The following RABL3 variants were observed in gnomAD, a reference collection of about 807,000 sequenced individuals.
The protein encoded by RABL3 is RAB, member of RAS oncogene family like 3, also known as rab-like protein 3.
Under a neutral mutation model 31.8 loss-of-function variants are expected in RABL3, and 31 were observed. The ratio of observed to expected loss-of-function variants is 0.97; its 90% CI spans 0.73 to 1.31. The LOEUF is 1.31. RABL3 is among the 40% of genes most tolerant of loss of function. The pLI, the probability that RABL3 is intolerant of heterozygous loss-of-function variation, is 0.00. For synonymous variants in RABL3, 97 were observed against 99.9 expected (o/e 0.97, Z 0.18); for missense variants, 263 against 279.6 (o/e 0.94, Z 0.42).
intron 1 of RABL3, among the ~76,000 whole-genome samples, chr3:120,741,032 T>C (rs757490830): frequency 3.3e-5 from 5 of 152,222 alleles, no homozygotes; most frequent in African/African-American, 4.8e-5. Flanking sequence ...TTGCAACAGT[T>C]TGTAATATGA....
At chr3:120,690,045 A>G (rs1293616177) in intron 7 of RABL3, among the ~76,000 whole-genome samples, 157 bp from the exon 8 acceptor site, 2 of 152,176 alleles carry the variant, frequency 1.3e-5, no homozygotes, top group Admixed American at 1.3e-4. Context: ...AGATTAAATA[A>G]TAAAAATAAA....
At chr3:120,694,030 AAGG>A in intron 6 of RABL3, 120 bp downstream of exon 6, 1 of 600,706 alleles carries the variant, frequency 1.7e-6, no homozygotes, top group East Asian at 2.8e-5. Context: ...AGATCAAAAC[AAGG>A]ATTATTCCAG....
intron 1 of RABL3, among the ~76,000 whole-genome samples, chr3:120,735,488 A>G (rs1337044864): frequency 1.3e-5 from 2 of 152,134 alleles, no homozygotes; most frequent in Non-Finnish European, 2.9e-5. Flanking sequence ...ATCTTTTCAA[A>G]AAACCAGCTC....
intron 4 of RABL3, among the ~76,000 whole-genome samples, chr3:120,702,680 C>T (rs1260210254): frequency 1.3e-5 from 2 of 151,956 alleles, no homozygotes; most frequent in South Asian, 4.2e-4. Flanking sequence ...GCCTCAGCCT[C>T]CCAAGTAGCT....
intron 1 of RABL3, among the ~76,000 whole-genome samples, chr3:120,738,837 G>C (rs1709004455): frequency 6.6e-6 from 1 of 152,080 alleles, no homozygotes; most frequent in African/African-American, 2.4e-5. Flanking sequence ...TGAAATTTTT[G>C]ATATGCTAGT....
At chr3:120,741,062 A>G (rs116289368) in intron 1 of RABL3, among the ~76,000 whole-genome samples, 756 of 152,382 alleles carry the variant, frequency 5.0e-3, no homozygotes, top group Non-Finnish European at 7.9e-3. Flanking sequence ...TAGATACAAT[A>G]GAAAATGGAA....
rs539126023 is a variant in RABL3 at position 120,713,507 on chromosome 3, A to C, written c.139-3598T>G. Among the ~76,000 whole-genome samples the C allele has an allele frequency of 3.3e-5, 5 of 152,352 alleles. No homozygotes were observed. In the South Asian group the frequency reaches 8.3e-4, roughly 25 times the overall value. Reference sequence around the variant, plus strand: ...TACTTTGGTGCTATACTGAGAACCCAACATGATGGGAGGTAATGCCAAACT... The same window carrying C: ...TACTTTGGTGCTATACTGAGAACCCCACATGATGGGAGGTAATGCCAAACT... On this transcript the variant is annotated intron_variant, in intron 2 of 7. Coordinates refer to ENST00000273375, the MANE Select transcript of RABL3 (RefSeq NM_173825.5).
rs951275264 is a variant in RABL3 at position 120,694,058 on chromosome 3, G to A, written c.606+95C>T. On this transcript the variant is annotated intron_variant, in intron 6 of 7. Transcript: ENST00000273375. ...GATTATTCCAGGCTGTGAAGTTTTG[G>A]ACAAAAAAATAAAGGTCATAGGATT... 1.5e-5 allele frequency: 11 copies of A among 725,756 alleles called. No homozygotes were observed. In the Admixed American group the frequency reaches 2.7e-4, roughly 18 times the overall value. The allele number at this position is 725,756 out of a possible 1,614,324, so 45.0% of individuals were successfully genotyped here. A position where few individuals can be genotyped will look rare whatever the true frequency, so the allele number is the denominator to read the frequency against.
intron 2 of RABL3, among the ~76,000 whole-genome samples, chr3:120,715,159 A>G (rs565870402): frequency 6.6e-6 from 1 of 152,304 alleles, no homozygotes; most frequent in East Asian, 1.9e-4. Flanking sequence ...AGTGCCTAGG[A>G]TAATTTTACA....
chr3:120,734,206 T>C (rs1474056669), intron 1 of RABL3, among the ~76,000 whole-genome samples: 2 of 152,226 alleles, frequency 1.3e-5, no homozygotes, highest in Non-Finnish European at 2.9e-5. Context: ...ATTATTTGTG[T>C]CCTCTTTTAC....
chr3:120,713,028 C>A (rs914352970), intron 2 of RABL3, among the ~76,000 whole-genome samples: 1 of 151,902 alleles, frequency 6.6e-6, no homozygotes, highest in African/African-American at 2.4e-5. Context: ...CACTGCAGTA[C>A]ACCATTTTTT....
intron 7 of RABL3, 71 bp downstream of exon 7, chr3:120,690,378 T>G: frequency 8.7e-7 from 1 of 1,150,450 alleles, no homozygotes; most frequent in East Asian, 2.4e-5. Context: ...TTAAAACTAC[T>G]TCTGAACTTA....
Position 120,688,370 on chromosome 3 carries a change from A to T in RABL3, c.*1453T>A, listed in dbSNP as rs189765076. 2.0e-4 allele frequency: 30 copies of T among 152,762 alleles called. No individual in the cohort carries two copies. The highest frequency in any genetic ancestry group is 2.0e-3 in the Admixed American group (30 of 15,306). 9.5% of individuals were successfully genotyped at this position (152,762 alleles called of 1,614,324 possible). ...CAGGGCTATGTCCTTTCAAAGAGGAAGTAAAGAAAGGCTGGAGAACAGTCT... is the reference window on the plus strand; with the variant it reads ...CAGGGCTATGTCCTTTCAAAGAGGATGTAAAGAAAGGCTGGAGAACAGTCT... On this transcript the variant is annotated 3_prime_UTR_variant, in exon 8 of 8. Coordinates refer to ENST00000273375, the MANE Select transcript of RABL3 (RefSeq NM_173825.5).
chr3:120,714,883 C>T (rs890343685), intron 2 of RABL3, among the ~76,000 whole-genome samples: 15 of 152,190 alleles, frequency 9.9e-5, no homozygotes, highest in African/African-American at 3.6e-4. Context: ...TATACCCCAA[C>T]CTTTTTCTAA....
intron 2 of RABL3, among the ~76,000 whole-genome samples, chr3:120,725,100 A>G (rs1435047595): frequency 2.7e-4 from 2 of 7,386 alleles, no homozygotes; most frequent in Admixed American, 3.3e-3. Flanking sequence ...CAACAAATTT[A>G]CAAGAAAAAA....
intron 2 of RABL3, chr3:120,722,558 T>C (rs1362080424): frequency 6.6e-6 from 1 of 152,150 alleles, no homozygotes; most frequent in African/African-American, 2.4e-5. Flanking sequence ...ATCTTCCTAT[T>C]CAGCTTCCTA....
intron 1 of RABL3, among the ~76,000 whole-genome samples, chr3:120,741,441 A>G (rs1286137987): frequency 6.6e-6 from 1 of 152,120 alleles, no homozygotes; most frequent in East Asian, 1.9e-4. Flanking sequence ...AAGCCTCTCC[A>G]CCTCCAAGCA....
intron 3 of RABL3, among the ~76,000 whole-genome samples, chr3:120,706,940 GAATT>G (rs1708556374): frequency 6.6e-6 from 1 of 152,040 alleles, no homozygotes; most frequent in South Asian, 2.1e-4. Context: ...GAAAATCAGG[GAATT>G]AATTATTACA....
At position 120,689,323 on chromosome 3, in the gene RABL3, A is replaced by C. The variant is rs72625420; in HGVS notation, c.*500T>G. 41,250 of 152,292 alleles carry C rather than the reference A, an allele frequency of 0.27. 7,533 individuals are homozygous for C. The highest frequency in any genetic ancestry group is 0.83 in the East Asian group (4,296 of 5,190). The allele number at this position is 152,292 out of a possible 1,614,324, so 9.4% of individuals were successfully genotyped here. A position where few individuals can be genotyped will look rare whatever the true frequency, so the allele number is the denominator to read the frequency against. The stretch of plus-strand genomic sequence containing the variant: ...GTGTGTGACAATGGTGGAGACAATT[A>C]AATAACACCATTTTGCATCTTTGAA... On this transcript the variant is annotated 3_prime_UTR_variant, in exon 8 of 8. Coordinates refer to ENST00000273375, the MANE Select transcript of RABL3 (RefSeq NM_173825.5).
Sources: gnomAD v4.1 joint callset for allele counts (sites outside exome capture counted in the v4.1 genomes callset) on GRCh38, gnomAD v4.1.1 for gene constraint, MANE v1.5 for transcripts, NCBI Gene and HGNC (gene_info 2026-07-23, HGNC 2026-07-21) for gene names.